Variants in PPP1R12B observed in about 807,000 individuals in gnomAD.
PPP1R12B encodes the protein protein phosphatase 1 regulatory subunit 12B.
Under a neutral mutation model 126.1 loss-of-function variants are expected in PPP1R12B, and 76 were observed. The observed-to-expected ratio is 0.60, with a 90% CI of 0.50 to 0.73. The LOEUF (loss-of-function observed/expected upper bound fraction) is 0.73, where lower values mean the gene tolerates loss of function less well. PPP1R12B is among the 30% of genes least tolerant of loss of function. PPP1R12B has a pLI of 0.00. For missense variants in PPP1R12B, 1,052 were observed against 1,205.1 expected, an observed-to-expected ratio of 0.87 and a Z score of 1.88; for synonymous variants, 356 against 434.7, an observed-to-expected ratio of 0.82 and a Z score of 2.25.
At chr1:202,578,649 T>C (rs1352697261) in intron 23 of PPP1R12B, among the ~76,000 whole-genome samples, 1 of 152,218 alleles carries the variant, frequency 6.6e-6, no homozygotes, top group East Asian at 1.9e-4. Flanking sequence ...CCCACAGTCA[T>C]GAGAAAACTC....
rs897765528 is a variant in PPP1R12B at position 202,371,085 on chromosome 1, G to A, written c.291+21943G>A. On this transcript the variant is annotated intron_variant, in intron 1 of 23. Coordinates refer to ENST00000608999, the MANE Select transcript of PPP1R12B (RefSeq NM_002481.4). ...GGCTGGAGTGCATTGGCTTGATCACGGCTCACTGCAGCCTCAATCTTCCAG... is the reference window on the plus strand; with the variant it reads ...GGCTGGAGTGCATTGGCTTGATCACAGCTCACTGCAGCCTCAATCTTCCAG... Among the ~76,000 whole-genome samples, 10 of 145,298 alleles carry A rather than the reference G, an allele frequency of 6.9e-5. No homozygotes were observed. In the South Asian group the frequency reaches 1.3e-3, roughly 19 times the overall value.
intron 1 of PPP1R12B, among the ~76,000 whole-genome samples, chr1:202,407,945 G>A (rs1012130466): frequency 2.0e-5 from 3 of 151,960 alleles, no homozygotes; most frequent in Non-Finnish European, 4.4e-5. Context: ...AATAAAAACA[G>A]TATAGAATAA....
intron 13 of PPP1R12B, among the ~76,000 whole-genome samples, chr1:202,472,527 G>A (rs1676065016): frequency 1.3e-5 from 2 of 152,210 alleles, no homozygotes; most frequent in Admixed American, 1.3e-4. Context: ...GTTCTGACCA[G>A]TGAACTAACT....
chr1:202,568,550 C>G (rs1333751549), intron 22 of PPP1R12B, among the ~76,000 whole-genome samples: 2 of 152,168 alleles, frequency 1.3e-5, no homozygotes, highest in African/African-American at 4.8e-5. Context: ...AACCAAACTT[C>G]CTTGGTATCC....
intron 18 of PPP1R12B, chr1:202,501,955 T>A (rs147194626): frequency 5.0e-5 from 49 of 985,722 alleles, no homozygotes; most frequent in Admixed American, 6.1e-5. Flanking sequence ...ACTCAGAGTA[T>A]CAAGATTCAG....
intron 18 of PPP1R12B, among the ~76,000 whole-genome samples, chr1:202,547,829 C>T (rs1685809681): frequency 6.6e-6 from 1 of 152,160 alleles, no homozygotes; most frequent in Admixed American, 6.5e-5. Context: ...TACTTGAGTG[C>T]TGAGGAATTT....
intron 1 of PPP1R12B, among the ~76,000 whole-genome samples, chr1:202,415,803 A>C (rs1667984369): frequency 6.6e-6 from 1 of 152,224 alleles, no homozygotes; most frequent in Admixed American, 6.5e-5. Flanking sequence ...TTCAGAAAAT[A>C]CATGAAAATA....
chr1:202,543,610 G>A (rs1203541954), intron 18 of PPP1R12B, among the ~76,000 whole-genome samples: 1 of 152,022 alleles, frequency 6.6e-6, no homozygotes, highest in Non-Finnish European at 1.5e-5. Flanking sequence ...GCATGGTGGC[G>A]GGCACCTGTT....
Position 202,398,981 on chromosome 1 carries a change from A to T in PPP1R12B, c.292-17806A>T, listed in dbSNP as rs185908673. ...TTTCCTTTTCCCCTCACTACTAAAC[A>T]TATATATATATTTTTTGTAAATTGA... On this transcript the variant is annotated intron_variant, in intron 1 of 23. Transcript: ENST00000608999. 2.0e-4 allele frequency among the ~76,000 whole-genome samples: 30 copies of T among 152,052 alleles called. 1 individual carries two copies. The East Asian group carries it at 5.8e-3, about 29-fold the overall frequency.
intron 1 of PPP1R12B, among the ~76,000 whole-genome samples, chr1:202,355,364 TA>T (rs772206380): frequency 2.6e-5 from 4 of 151,934 alleles, no homozygotes; most frequent in African/African-American, 9.6e-5. Context: ...AACAGATAAA[TA>T]AAAAAAAGAT....
chr1:202,528,753 T>G (rs1250841006), intron 18 of PPP1R12B, among the ~76,000 whole-genome samples: 2 of 152,156 alleles, frequency 1.3e-5, no homozygotes, highest in Non-Finnish European at 2.9e-5. Flanking sequence ...TTTTGTTTTT[T>G]TTTACATATA....
At chr1:202,450,827 G>C (rs1672831225) in intron 13 of PPP1R12B, among the ~76,000 whole-genome samples, 1 of 152,098 alleles carries the variant, frequency 6.6e-6, no homozygotes, top group African/African-American at 2.4e-5. Context: ...GCTTAGGGTG[G>C]CTTTGCTATT....
intron 1 of PPP1R12B, among the ~76,000 whole-genome samples, chr1:202,396,390 G>A (rs1558174230): frequency 6.6e-6 from 1 of 152,014 alleles, no homozygotes; most frequent in Non-Finnish European, 1.5e-5. Flanking sequence ...TTGCCAGGAG[G>A]ATTTAATGAA....
intron 13 of PPP1R12B, among the ~76,000 whole-genome samples, chr1:202,453,391 G>C (rs561805213): frequency 6.6e-6 from 1 of 152,210 alleles, no homozygotes; most frequent in African/African-American, 2.4e-5. Flanking sequence ...GCTAGTATTG[G>C]CCTGTAGTTT....
chr1:202,549,664 C>T (rs1276418041), intron 18 of PPP1R12B, among the ~76,000 whole-genome samples: 6 of 152,042 alleles, frequency 3.9e-5, no homozygotes, highest in Non-Finnish European at 5.9e-5. Flanking sequence ...ATGATCCACC[C>T]GCCTCGGCCT....
At chr1:202,405,595 A>G (rs1336694639) in intron 1 of PPP1R12B, among the ~76,000 whole-genome samples, 1 of 152,174 alleles carries the variant, frequency 6.6e-6, no homozygotes, top group African/African-American at 2.4e-5. Context: ...ATTTAATCCT[A>G]ATTGTAACTC....
chr1:202,417,813 G>A (rs1301771934), intron 2 of PPP1R12B, among the ~76,000 whole-genome samples: 1 of 152,178 alleles, frequency 6.6e-6, no homozygotes, highest in African/African-American at 2.4e-5. Context: ...GAAACAGCAG[G>A]GAGAATTTTG....
At chr1:202,499,657 G>GT (rs780291722) in intron 18 of PPP1R12B, among the ~76,000 whole-genome samples, 12 of 152,148 alleles carry the variant, frequency 7.9e-5, no homozygotes, top group Non-Finnish European at 1.2e-4. Flanking sequence ...AATATCTATG[G>GT]TTTTTCCCCC....
At chr1:202,369,283 T>A (rs1659809096) in intron 1 of PPP1R12B, among the ~76,000 whole-genome samples, 2 of 152,236 alleles carry the variant, frequency 1.3e-5, no homozygotes, top group African/African-American at 4.8e-5. Flanking sequence ...TGTGAAAAGT[T>A]GAACACTACG....
Sources: gnomAD v4.1 joint callset for allele counts (sites outside exome capture counted in the v4.1 genomes callset) on GRCh38, gnomAD v4.1.1 for gene constraint, MANE v1.5 for transcripts, NCBI Gene and HGNC (gene_info 2026-07-23, HGNC 2026-07-21) for gene names.